Variants in SRRM2 observed in about 807,000 individuals in gnomAD.
SRRM2 encodes serine/arginine repetitive matrix protein 2.
In SRRM2, 30 loss-of-function variants were observed where a neutral mutation model predicts 213.8. That is an observed-to-expected ratio of 0.14 (90% confidence interval 0.10 to 0.19). The LOEUF is 0.19. Ranked by LOEUF, SRRM2 falls within the 10% of genes least tolerant of loss-of-function variation. The probability of loss-of-function intolerance (pLI) is 1.00; values close to 1 mark genes in which losing one functional copy is unlikely to be tolerated. For missense variants in SRRM2, 4,904 were observed against 3,647.0 expected (o/e 1.34, Z -8.88); for synonymous variants, 2,025 against 1,377.7 (o/e 1.47, Z -10.40).
chr16:2,763,654 C>T lies in SRRM2; in HGVS notation c.3126C>T (p.Ser1042=). 1 of 1,614,152 alleles carries T rather than the reference C, an allele frequency of 6.2e-7. No homozygotes were observed. The highest frequency in any genetic ancestry group is 8.5e-7 in the Non-Finnish European group (1 of 1,180,028). Residue 1042 remains serine (S), a synonymous_variant, in exon 11 of 15, where the codon AGC becomes AGT. Transcript: ENST00000301740. ...CTCTCTGTGCAGGAGTAAAATCTAG[C>T]ACACCACCAGGCGAGAGCTATTTTG... ...SLSLCAGVKS[S]TPPGESYFGV... is the part of the protein sequence containing the mutation.
chr16:2,770,203 CGGAT>C, intron 12 of SRRM2, 145 bp from the exon 13 acceptor site: 5 of 1,449,350 alleles, frequency 3.4e-6, no homozygotes, highest in Non-Finnish European at 4.6e-6. Flanking sequence ...GGTGTGCGGG[CGGAT>C]GGGTGAGTGA....
Position 2,756,506 on chromosome 16 carries a change from G to A in SRRM2, c.142G>A (p.Ala48Thr), listed in dbSNP as rs1332757769. The A allele has an allele frequency of 1.9e-6, 3 of 1,614,090 alleles. No individual in the cohort carries two copies. Among genetic ancestry groups the A allele is most frequent in the South Asian group, 1.1e-5 (1 of 91,090 alleles). ...GGAGGAACTGCGGCGCCTGGAGGCT[G>A]CCCTGGTGAAGCGGCCTAATCCTGA... The part of the protein sequence containing the change: ...GEEELRRLEA[A>T]LVKRPNPDIL... The change falls in exon 2 of 15, where the codon GCC becomes ACC. Residue 48 changes from alanine (A) to threonine (T), a missense_variant. Transcript: ENST00000301740.
rs376541029 is a variant in SRRM2 at position 2,764,132 on chromosome 16, T to C, written c.3604T>C (p.Phe1202Leu). Residue 1202 changes from phenylalanine to leucine, a missense_variant, in exon 11 of 15, where the codon TTC becomes CTC. By Grantham distance (22) the Phe-to-Leu change is conservative (BLOSUM62 0). Coordinates refer to ENST00000301740, the MANE Select transcript of SRRM2 (RefSeq NM_016333.4). ...VQDRPESSLV[F>L]KDTLRTPPRE... ...GGATAGGCCTGAGTCTTCACTGGTATTCAAAGACACACTTAGAACCCCGCC... is the reference window on the plus strand; with the variant it reads ...GGATAGGCCTGAGTCTTCACTGGTACTCAAAGACACACTTAGAACCCCGCC... The C allele has an allele frequency of 3.5e-5, 57 of 1,614,038 alleles. No homozygotes were observed. The highest frequency in any genetic ancestry group is 4.2e-5 in the Non-Finnish European group (50 of 1,180,028).
In SRRM2 at chr16:2,765,469, T is replaced by A; in HGVS notation, c.4941T>A (p.Pro1647=). 1 of 1,614,158 alleles carries A rather than the reference T, an allele frequency of 6.2e-7. No homozygotes were observed. Among genetic ancestry groups the A allele is most frequent in the Non-Finnish European group, 8.5e-7 (1 of 1,180,030 alleles). The change falls in exon 11 of 15, where the codon CCT becomes CCA. Residue 1647 remains proline (P), a synonymous_variant. Coordinates refer to ENST00000301740, the MANE Select transcript of SRRM2 (RefSeq NM_016333.4). ...GTTCATCAAGCAAAGGCAGAGGCCC[T>A]TCTCCTGAAGGAAGCAGCAGTACCG... The part of the protein sequence containing the change: ...RSGSSSKGRG[P]SPEGSSSTES...
Position 2,762,400 on chromosome 16 carries a change from A to G in SRRM2, c.1872A>G (p.Arg624=), listed in dbSNP as rs768477884. ...GGTCTAGAACACCTGCTAGGCGCAG[A>G]TCTAGGACCCGATCACCAGTACGAC... is the stretch of plus-strand genomic sequence containing the variant. ...RSRSRTPARR[R]SRTRSPVRRR... is the part of the protein sequence containing the mutation. Residue 624 remains arginine (R), a synonymous_variant, in exon 11 of 15, where the codon AGA becomes AGG. Transcript: ENST00000301740. 6.2e-6 allele frequency: 10 copies of G among 1,614,026 alleles called. No homozygotes were observed. In the South Asian group the frequency reaches 9.9e-5, roughly 16 times the overall value.
chr16:2,770,096 C>T lies in SRRM2; in HGVS notation c.8022-256C>T, dbSNP rs536351902. The stretch of plus-strand genomic sequence containing the variant: ...CTTCCCACACACGGGGCCGTGCGTG[C>T]CTTTCTTCACCACTGAGCTCCTTCA... On this transcript the variant is annotated intron_variant, in intron 12 of 14. Transcript: ENST00000301740. 68 of 1,370,846 alleles carry T rather than the reference C, an allele frequency of 5.0e-5. 1 individual carries two copies. The Admixed American group carries it at 1.6e-3, about 32-fold the overall frequency. 84.9% of individuals were successfully genotyped at this position (1,370,846 alleles called of 1,614,324 possible).
In SRRM2 at chr16:2,764,284, C is replaced by T. The variant is rs771335180; in HGVS notation, c.3756C>T (p.Ile1252=). 51 of 1,613,958 alleles carry T rather than the reference C, an allele frequency of 3.2e-5. 1 individual carries two copies. The East Asian group carries it at 6.0e-4, about 19-fold the overall frequency. The part of the protein sequence containing the change: ...VEKSEEPAGQ[I]LSHLSSELKE... ...AGTCTGAAGAACCCGCAGGCCAAATCCTGTCTCATTTGTCTTCAGAACTTA... is the reference window on the plus strand; with the variant it reads ...AGTCTGAAGAACCCGCAGGCCAAATTCTGTCTCATTTGTCTTCAGAACTTA... The change falls in exon 11 of 15, where the codon ATC becomes ATT. Residue 1252 remains isoleucine, a synonymous_variant. Coordinates refer to ENST00000301740, the MANE Select transcript of SRRM2 (RefSeq NM_016333.4).
rs267604488 is a variant in SRRM2 at position 2,766,678 on chromosome 16, C to A, written c.6150C>A (p.Ile2050=). The change falls in exon 11 of 15, where the codon ATC becomes ATA. Residue 2050 remains isoleucine, a synonymous_variant. Coordinates refer to ENST00000301740, the MANE Select transcript of SRRM2 (RefSeq NM_016333.4). The surrounding 1 kb of genome is among the most constrained non-coding windows in gnomAD (Gnocchi z 7.0). The part of the protein sequence containing the change: ...KRSRSRSPLA[I]RRRSRSRTPR... ...CTCGAAGTCGCTCACCACTTGCTATCCGCCGCCGCTCCAGATCCCGTACTC... is the reference window on the plus strand; with the variant it reads ...CTCGAAGTCGCTCACCACTTGCTATACGCCGCCGCTCCAGATCCCGTACTC... The A allele has an allele frequency of 6.2e-7, 1 of 1,612,960 alleles. No homozygotes were observed. The highest frequency in any genetic ancestry group is 8.5e-7 in the Non-Finnish European group (1 of 1,179,748).
rs770179914 is a variant in SRRM2, at chr16:2,769,280, C to T, written c.8017C>T (p.Arg2673Trp). 2.6e-5 allele frequency: 40 copies of T among 1,558,418 alleles called. No individual in the cohort carries two copies. The highest frequency in any genetic ancestry group is 1.6e-4 in the South Asian group (13 of 81,114). The stretch of plus-strand genomic sequence containing the variant: ...CCCCAAGAAGCCACCCCCTGGCGAG[C>T]GGAGGTGAGTGCTGTCTTGCCTGAG... ...ASPKKPPPGE[R>W]RSRSPRKPID... The change falls in exon 12 of 15, where the codon CGG (arginine) becomes TGG (tryptophan). Residue 2673 changes from arginine to tryptophan, a missense_variant. Physicochemically the swap from Arg to Trp is moderately radical, Grantham distance 101. Coordinates refer to ENST00000301740, the MANE Select transcript of SRRM2 (RefSeq NM_016333.4).
chr16:2,766,386 T>G lies in SRRM2; in HGVS notation c.5858T>G (p.Val1953Gly). The change falls in exon 11 of 15, where the codon GTG becomes GGG. Residue 1953 changes from valine to glycine, a missense_variant. By Grantham distance (109) the Val-to-Gly change is moderately radical. Coordinates refer to ENST00000301740, the MANE Select transcript of SRRM2 (RefSeq NM_016333.4). The surrounding 1 kb of genome is among the most constrained non-coding windows in gnomAD (Gnocchi z 7.0). ...CGCTCCCGTTCTAGAACTCCACCAG[T>G]GACTCGCAGAAGGTCCAGATCCAGG... is the stretch of plus-strand genomic sequence containing the variant. ...RRRSRSRTPP[V>G]TRRRSRSRTP... is the part of the protein sequence containing the mutation. 6.2e-7 allele frequency: 1 copy of G among 1,607,136 alleles called. No homozygotes were observed.
chr16:2,758,386 TA>T, intron 4 of SRRM2, 83 bp from the exon 5 acceptor site: 1 of 1,236,606 alleles, frequency 8.1e-7, no homozygotes, highest in East Asian at 2.3e-5. Flanking sequence ...TTTTTATTAC[TA>T]TTTTTTTAGA....
In SRRM2 at chr16:2,763,207, G is replaced by T. The variant is rs907141593; in HGVS notation, c.2679G>T (p.Gly893=). 6.2e-7 allele frequency: 1 copy of T among 1,613,964 alleles called. No individual in the cohort carries two copies. Among genetic ancestry groups the T allele is most frequent in the East Asian group, 2.2e-5 (1 of 44,876 alleles). The change falls in exon 11 of 15, where the codon GGG becomes GGT. Residue 893 remains glycine (G), a synonymous_variant. Transcript: ENST00000301740. ...SRTPSRHSCS[G]SSPPRVKSST... Reference sequence around the variant, plus strand: ...CCCCTTCTAGACATAGCTGCTCAGGGTCCTCTCCTCCTAGAGTGAAATCTA... The same window carrying T: ...CCCCTTCTAGACATAGCTGCTCAGGTTCCTCTCCTCCTAGAGTGAAATCTA...
Position 2,760,479 on chromosome 16 carries a change from A to G in SRRM2, c.1012A>G (p.Lys338Glu), listed in dbSNP as rs192564444. The G allele has an allele frequency of 1.4e-4, 226 of 1,614,146 alleles. No individual in the cohort carries two copies. In the East Asian group the frequency reaches 4.7e-3, roughly 33 times the overall value. ...ACAGCCTAGCAGCCCTTATGAAGAC[A>G]AAGATAAAGACAAGAAGGAGGTATG... ...TKQPSSPYED[K>E]DKDKKEKSAT... Residue 338 changes from lysine to glutamate, a missense_variant, in exon 10 of 15, where the codon AAA becomes GAA. Coordinates refer to ENST00000301740, the MANE Select transcript of SRRM2 (RefSeq NM_016333.4).
In SRRM2 at chr16:2,771,203, G is replaced by T; in HGVS notation, c.*336G>T. 1 of 649,708 alleles carries T rather than the reference G, an allele frequency of 1.5e-6. No homozygotes were observed. The highest frequency in any genetic ancestry group is 2.7e-6 in the Non-Finnish European group (1 of 370,610). 40.2% of individuals were successfully genotyped at this position (649,708 alleles called of 1,614,324 possible). A position where few individuals can be genotyped will look rare whatever the true frequency, so the allele number is the denominator to read the frequency against. On this transcript the variant is annotated 3_prime_UTR_variant, in exon 15 of 15. Transcript: ENST00000301740. ...CACTTGTATCCAGAAGTTCCCAGGG[G>T]TGATTGTGATGGTGGTTGGGACTGG...
chr16:2,767,545 G>A lies in SRRM2; in HGVS notation c.7017G>A (p.Val2339=), dbSNP rs760734597. Residue 2339 remains valine, a synonymous_variant, in exon 11 of 15, where the codon GTG becomes GTA. Coordinates refer to ENST00000301740, the MANE Select transcript of SRRM2 (RefSeq NM_016333.4). ...AGGCTCCAGCCTCTGCAAACCTGGT[G>A]GGTCCTCGGTCTGCACATGCCACAG... ...TPQAPASANL[V]GPRSAHATAP... 4 of 1,614,186 alleles carry A rather than the reference G, an allele frequency of 2.5e-6. No individual in the cohort carries two copies. The highest frequency in any genetic ancestry group is 3.4e-6 in the Non-Finnish European group (4 of 1,180,034).
chr16:2,753,818 T>A (rs1318519306), intron 1 of SRRM2, among the ~76,000 whole-genome samples: 3 of 152,218 alleles, frequency 2.0e-5, no homozygotes, highest in African/African-American at 7.2e-5. Context: ...GTTCTTTGTG[T>A]CCACTCAGCC....
rs757423682 is a variant in SRRM2 at position 2,763,788 on chromosome 16, A to T, written c.3260A>T (p.Gln1087Leu). The change falls in exon 11 of 15, where the codon CAG becomes CTG. Residue 1087 changes from glutamine to leucine, a missense_variant. Physicochemically the swap from Gln to Leu is moderately radical, Grantham distance 113 (BLOSUM62 -2). Transcript: ENST00000301740. The part of the protein sequence containing the change: ...RQSHSESPSL[Q>L]SKSQTSPKGG... ...AGTCATTCAGAATCACCATCTCTGC[A>T]GAGCAAATCTCAAACATCACCTAAG... 4.3e-6 allele frequency: 7 copies of T among 1,614,210 alleles called. No homozygotes were observed. In the South Asian group the frequency reaches 7.7e-5, roughly 18 times the overall value.
At chr16:2,757,712 T>C (rs2068196271) in intron 3 of SRRM2, 69 bp from the exon 4 acceptor site, 3 of 1,590,504 alleles carry the variant, frequency 1.9e-6, no homozygotes, top group East Asian at 4.5e-5. Flanking sequence ...GGCTCCTGCT[T>C]ATACTTGTGT....
Position 2,757,905 on chromosome 16 carries a change from G to C in SRRM2, c.475G>C (p.Glu159Gln), listed in dbSNP as rs1329735585. ...SSFDPQRRAR[E>Q]AKQPAPEPPK... ...TTTTGATCCTCAGCGTCGTGCCCGA[G>C]AAGCTAAACAACCAGCTCCTGAGCC... Residue 159 changes from glutamate to glutamine, a missense_variant, in exon 4 of 15, where the codon GAA (glutamate) becomes CAA (glutamine). By Grantham distance (29) the Glu-to-Gln change is conservative. Coordinates refer to ENST00000301740, the MANE Select transcript of SRRM2 (RefSeq NM_016333.4). The C allele has an allele frequency of 6.2e-7, 1 of 1,613,942 alleles. No homozygotes were observed. The highest frequency in any genetic ancestry group is 1.1e-5 in the South Asian group (1 of 91,070).
Sources: gnomAD v4.1 joint callset for allele counts (sites outside exome capture counted in the v4.1 genomes callset) on GRCh38, gnomAD v4.1.1 for gene constraint, Gnocchi (gnomAD v3.1) non-coding constraint, MANE v1.5 for transcripts, NCBI Gene and HGNC (gene_info 2026-07-23, HGNC 2026-07-21) for gene names.